Variants in HMBOX1 observed in about 807,000 individuals in gnomAD.
HMBOX1 encodes homeobox containing 1, also known as homeobox-containing protein 1.
In HMBOX1, 14 loss-of-function variants were observed where a neutral mutation model predicts 54.5. The ratio of observed to expected loss-of-function variants is 0.26; its 90% CI spans 0.17 to 0.40. HMBOX1 has a LOEUF of 0.40. Among genes scored for constraint, HMBOX1 ranks in the 10% least tolerant of loss-of-function variants. The pLI, the probability that HMBOX1 is intolerant of heterozygous loss-of-function variation, is 1.00. For missense variants in HMBOX1, 332 were observed against 514.4 expected (o/e 0.65, Z 3.43); for synonymous variants, 160 against 181.0 (o/e 0.88, Z 0.93).
intron 1 of HMBOX1, among the ~76,000 whole-genome samples, chr8:28,941,376 A>G (rs1454686181): frequency 6.6e-6 from 1 of 152,122 alleles, no homozygotes; most frequent in South Asian, 2.1e-4. Flanking sequence ...TCATTACATA[A>G]TTTTCTACCA....
At chr8:29,034,724 G>C (rs1050306724) in intron 6 of HMBOX1, among the ~76,000 whole-genome samples, 2 of 152,186 alleles carry the variant, frequency 1.3e-5, no homozygotes, top group Non-Finnish European at 2.9e-5. Context: ...AGGCATGGTG[G>C]TGCATGCCTG....
intron 1 of HMBOX1, among the ~76,000 whole-genome samples, chr8:28,914,687 G>A (rs1263966885): frequency 6.6e-6 from 1 of 152,118 alleles, no homozygotes; most frequent in African/African-American, 2.4e-5. Flanking sequence ...AGTAACATTT[G>A]AATTAATAAA....
intron 6 of HMBOX1, among the ~76,000 whole-genome samples, chr8:29,021,484 T>C (rs2133037062): frequency 6.6e-6 from 1 of 152,086 alleles, no homozygotes; most frequent in South Asian, 2.1e-4. Context: ...AATAAAGAGC[T>C]CTTAAAAGAC....
At chr8:28,976,802 G>A (rs920730853) in intron 3 of HMBOX1, among the ~76,000 whole-genome samples, 5 of 151,010 alleles carry the variant, frequency 3.3e-5, no homozygotes, top group African/African-American at 1.2e-4. Context: ...CGCCTCTGGG[G>A]TTCAAGCGAT....
chr8:29,031,774 T>G (rs1803007064), intron 6 of HMBOX1, among the ~76,000 whole-genome samples: 1 of 152,152 alleles, frequency 6.6e-6, no homozygotes, highest in African/African-American at 2.4e-5. Context: ...GTGGAAAGAT[T>G]AGCTCCTAGC....
chr8:28,948,171 C>T (rs912095497), intron 1 of HMBOX1, among the ~76,000 whole-genome samples: 7 of 152,134 alleles, frequency 4.6e-5, no homozygotes, highest in African/African-American at 1.7e-4. Context: ...ATTCATTATC[C>T]TACCATCCAC....
chr8:28,950,478 A>T (rs1823218727), intron 1 of HMBOX1, among the ~76,000 whole-genome samples: 1 of 152,162 alleles, frequency 6.6e-6, no homozygotes, highest in African/African-American at 2.4e-5. Context: ...GGAGTAGAGC[A>T]CTCTGAGATT....
intron 1 of HMBOX1, among the ~76,000 whole-genome samples, chr8:28,939,387 A>G (rs1820954100): frequency 6.6e-6 from 1 of 151,958 alleles, no homozygotes; most frequent in Non-Finnish European, 1.5e-5. Context: ...CAGTTCTTCT[A>G]TTTTTGCATT....
At chr8:28,967,009 C>T (rs1228132171) in intron 2 of HMBOX1, among the ~76,000 whole-genome samples, 1 of 152,184 alleles carries the variant, frequency 6.6e-6, no homozygotes, top group African/African-American at 2.4e-5. Context: ...AGAGCTTTCT[C>T]CATCGCTCTG....
intron 1 of HMBOX1, among the ~76,000 whole-genome samples, chr8:28,927,893 T>A (rs10102820): frequency 0.024 from 3,516 of 149,400 alleles, 130 homozygotes; most frequent in African/African-American, 0.083. Flanking sequence ...TCCCAGCACT[T>A]TGAGAGGCTG....
chr8:28,967,106 T>G (rs1229311209), intron 2 of HMBOX1, among the ~76,000 whole-genome samples: 1 of 152,224 alleles, frequency 6.6e-6, no homozygotes, highest in Non-Finnish European at 1.5e-5. Context: ...AATATCTTCC[T>G]GCAACTGAAC....
At chr8:29,009,799 A>G in intron 5 of HMBOX1, 1 of 1,265,614 alleles carries the variant, frequency 7.9e-7, no homozygotes, top group Non-Finnish European at 1.0e-6. Context: ...GAAGTAGGCA[A>G]GATCTATTCA....
At position 29,051,128 on chromosome 8, in the gene HMBOX1, C is replaced by G. The variant is rs762744699; in HGVS notation, c.1236C>G (p.Ile412Met). ...TGGCCCGACAAGGAGCCAACGAAAT[C>G]AAGACAGAGGCCCTGGATGATGACT... ...LALARQGANEIKTEALDDD is the reference protein window; with the variant it reads ...LALARQGANEMKTEALDDD The change falls in exon 10 of 10, where the codon ATC becomes ATG. Residue 412 changes from isoleucine (I) to methionine (M), a missense_variant. By Grantham distance (10) the Ile-to-Met change is conservative. Around this residue, in one of 4 missense-constraint regions of HMBOX1, gnomAD observed 69 missense variants for 104.6 expected, o/e 0.66. Transcript: ENST00000287701. The G allele has an allele frequency of 6.2e-7, 1 of 1,613,884 alleles. No individual in the cohort carries two copies. The highest frequency in any genetic ancestry group is 1.7e-5 in the Admixed American group (1 of 59,984).
At chr8:29,012,202 T>G (rs545763212) in intron 5 of HMBOX1, among the ~76,000 whole-genome samples, 1 of 152,340 alleles carries the variant, frequency 6.6e-6, no homozygotes, top group South Asian at 2.1e-4. Context: ...TCGATAAAAG[T>G]GATTTTGTTT....
At chr8:28,936,315 C>T (rs1367699943) in intron 1 of HMBOX1, among the ~76,000 whole-genome samples, 1 of 151,806 alleles carries the variant, frequency 6.6e-6, no homozygotes, top group Non-Finnish European at 1.5e-5. Flanking sequence ...AGTTTTATGC[C>T]AGACCAGTCC....
rs1317480179 is a variant in HMBOX1, at chr8:28,970,615, A to C, written c.500+96A>C. 1 of 731,254 alleles carries C rather than the reference A, an allele frequency of 1.4e-6. No homozygotes were observed. The highest frequency in any genetic ancestry group is 1.8e-5 in the African/African-American group (1 of 57,100). 45.3% of individuals were successfully genotyped at this position (731,254 alleles called of 1,614,324 possible). ...GCGTTTCAGCTACTTAGCTATAAGA[A>C]CTGTAACTTCCTCTAGCTATAAGAA... On this transcript the variant is annotated intron_variant, in intron 3 of 9. Transcript: ENST00000287701. The surrounding 1 kb of genome is among the most constrained non-coding windows in gnomAD (Gnocchi z 4.3).
chr8:28,904,526 C>G (rs182313948), intron 1 of HMBOX1, among the ~76,000 whole-genome samples: 1 of 152,282 alleles, frequency 6.6e-6, no homozygotes, highest in East Asian at 1.9e-4. Context: ...CCACTGTGCC[C>G]AGCCCATTTC....
Position 28,958,992 on chromosome 8 carries a change from G to A in HMBOX1, c.-57-4819G>A, listed in dbSNP as rs549615407. 3.9e-5 allele frequency among the ~76,000 whole-genome samples: 6 copies of A among 152,180 alleles called. No individual in the cohort carries two copies. In the East Asian group the frequency reaches 1.2e-3, roughly 29 times the overall value. Reference sequence around the variant, plus strand: ...ACAATGGACCCCCCTTATCCACCGGGAATACATTCTAAGACTCCCAGTAGA... The same window carrying A: ...ACAATGGACCCCCCTTATCCACCGGAAATACATTCTAAGACTCCCAGTAGA... On this transcript the variant is annotated intron_variant, in intron 1 of 9. Coordinates refer to ENST00000287701, the MANE Select transcript of HMBOX1 (RefSeq NM_001135726.3).
At chr8:28,973,624 G>A (rs1827817934) in intron 3 of HMBOX1, among the ~76,000 whole-genome samples, 2 of 151,976 alleles carry the variant, frequency 1.3e-5, no homozygotes, top group South Asian at 2.1e-4. Context: ...GTTGGAAGTG[G>A]TAGTCTCTGG....
Sources: gnomAD v4.1 joint callset for allele counts (sites outside exome capture counted in the v4.1 genomes callset) on GRCh38, gnomAD v4.1.1 for gene constraint, gnomAD v4.1.1 regional missense constraint, Gnocchi (gnomAD v3.1) non-coding constraint, MANE v1.5 for transcripts, NCBI Gene and HGNC (gene_info 2026-07-23, HGNC 2026-07-21) for gene names.